Variants in NFAM1 observed in about 807,000 individuals in gnomAD.
The protein encoded by NFAM1 is NFAT activation molecule 1.
Under a neutral mutation model 29.0 loss-of-function variants are expected in NFAM1, and 17 were observed. The observed-to-expected ratio is 0.59, with a 90% CI of 0.40 to 0.88. The LOEUF (loss-of-function observed/expected upper bound fraction) is 0.88. Among genes scored for constraint, NFAM1 ranks in the 40% least tolerant of loss-of-function variants. The pLI is 0.00. For synonymous variants in NFAM1, 175 were observed against 147.2 expected (o/e 1.19, Z -1.36); for missense variants, 324 against 344.6 (o/e 0.94, Z 0.47).
chr22:42,425,750 T>C lies in NFAM1; in HGVS notation c.121+6487A>G, dbSNP rs564445584. Among the ~76,000 whole-genome samples the C allele has an allele frequency of 5.3e-4, 81 of 152,324 alleles. 2 individuals are homozygous for C. Among genetic ancestry groups the C allele is most frequent in the African/African-American group, 1.9e-3 (79 of 41,574 alleles). On this transcript the variant is annotated intron_variant, in intron 1 of 5. Coordinates refer to ENST00000329021, the MANE Select transcript of NFAM1 (RefSeq NM_145912.8). ...CCAGCCTTCCTGAGCCCGCGTACTC[T>C]CTCTGCACTGTCCCTGGCTTTTCTC...
chr22:42,410,233 G>A (rs2147107586), intron 2 of NFAM1: 1 of 210,188 alleles, frequency 4.8e-6, no homozygotes, highest in Middle Eastern at 1.9e-3. Flanking sequence ...CAGCAGGACA[G>A]AGGTTCAAAC....
chr22:42,395,038 G>T (rs1427946936), intron 4 of NFAM1, among the ~76,000 whole-genome samples: 2 of 152,126 alleles, frequency 1.3e-5, no homozygotes, highest in Admixed American at 6.6e-5. Context: ...GCCAAGTGCA[G>T]TGTCTCACAC....
chr22:42,414,150 G>A (rs1046611233), intron 1 of NFAM1, among the ~76,000 whole-genome samples: 2 of 152,154 alleles, frequency 1.3e-5, no homozygotes, highest in African/African-American at 2.4e-5. Context: ...CTCACATGTC[G>A]GCAGTCACAG....
chr22:42,425,919 A>AG (rs1930606991), intron 1 of NFAM1, among the ~76,000 whole-genome samples: 1 of 145,188 alleles, frequency 6.9e-6, no homozygotes. Context: ...GGGGAGAGGG[A>AG]GGGGAACTGG....
rs1928909405 is a variant in NFAM1, at chr22:42,380,572, GA to G, written c.*4588del. The G allele has an allele frequency of 6.6e-6, 1 of 152,634 alleles. No individual in the cohort carries two copies. Among genetic ancestry groups the G allele is most frequent in the African/African-American group, 2.4e-5 (1 of 41,440 alleles). 9.5% of individuals were successfully genotyped at this position (152,634 alleles called of 1,614,324 possible). ...GCCATCATTCTGACCACAGGTCAGG[GA>G]AGGGAGACTGGGGAAGCCCCCTCAG... On this transcript the variant is annotated 3_prime_UTR_variant, in exon 6 of 6. Transcript: ENST00000329021.
At position 42,382,392 on chromosome 22, in the gene NFAM1, G is replaced by A. The variant is rs1478861542; in HGVS notation, c.*2769C>T. Reference sequence around the variant, plus strand: ...GACTGTCACTGCAAACTGAGGCTCAGGTGGCCAGTGACTTGCCCAAGTCCA... The same window carrying A: ...GACTGTCACTGCAAACTGAGGCTCAAGTGGCCAGTGACTTGCCCAAGTCCA... On this transcript the variant is annotated 3_prime_UTR_variant, in exon 6 of 6. Coordinates refer to ENST00000329021, the MANE Select transcript of NFAM1 (RefSeq NM_145912.8). 6.6e-6 allele frequency: 1 copy of A among 152,146 alleles called. No homozygotes were observed. The highest frequency in any genetic ancestry group is 1.5e-5 in the Non-Finnish European group (1 of 68,028). 9.4% of individuals were successfully genotyped at this position (152,146 alleles called of 1,614,324 possible). A position where few individuals can be genotyped will look rare whatever the true frequency, so the allele number is the denominator to read the frequency against.
intron 1 of NFAM1, among the ~76,000 whole-genome samples, chr22:42,413,586 G>A (rs1009887315): frequency 6.6e-6 from 1 of 151,834 alleles, no homozygotes; most frequent in African/African-American, 2.4e-5. Flanking sequence ...GACCAGCCTG[G>A]CTAACATGGT....
At position 42,383,258 on chromosome 22, in the gene NFAM1, C is replaced by G. The variant is rs1601728437; in HGVS notation, c.*1903G>C. On this transcript the variant is annotated 3_prime_UTR_variant, in exon 6 of 6. Transcript: ENST00000329021. ...GAGGCAGGCCCAGTGAGGTGGCCCT[C>G]TCCTGGTCTTGCTGGCTTCGGTTTT... The G allele has an allele frequency of 6.5e-6, 1 of 153,226 alleles. No individual in the cohort carries two copies. Among genetic ancestry groups the G allele is most frequent in the South Asian group, 2.1e-4 (1 of 4,856 alleles). The allele number at this position is 153,226 out of a possible 1,614,324, so 9.5% of individuals were successfully genotyped here.
chr22:42,432,314 G>A lies in NFAM1; in HGVS notation c.44C>T (p.Pro15Leu), dbSNP rs1930835653. ...GGCTGCGGGGAGCCCAGGAGGGCGT[G>A]GGAGGCCTGGCAGGGCCCGCCACCT... Reference protein sequence around the residue: ...PVRWRALPGLPRPPGLPAAPW... With the variant: ...PVRWRALPGLLRPPGLPAAPW... Residue 15 changes from proline to leucine, a missense_variant, in exon 1 of 6, where the codon CCA (proline) becomes CTA (leucine). Physicochemically the swap from Pro to Leu is moderately conservative, Grantham distance 98. Coordinates refer to ENST00000329021, the MANE Select transcript of NFAM1 (RefSeq NM_145912.8). 6.3e-7 allele frequency: 1 copy of A among 1,576,828 alleles called. No individual in the cohort carries two copies. The highest frequency in any genetic ancestry group is 1.4e-5 in the African/African-American group (1 of 74,058).
At chr22:42,437,528 G>C in the NFAM1 span, among the ~76,000 whole-genome samples, 478 of 152,274 alleles carry the variant, frequency 3.1e-3, 2 homozygotes, top group Non-Finnish European at 5.9e-3. Context: ...CCCTGAAAGA[G>C]ACGAGCACAG....
At chr22:42,404,442 G>A (rs539320053) in intron 3 of NFAM1, among the ~76,000 whole-genome samples, 100 of 152,176 alleles carry the variant, frequency 6.6e-4, no homozygotes, top group African/African-American at 2.3e-3. Flanking sequence ...CATCCACAGC[G>A]AACCAGGGGC....
Position 42,385,189 on chromosome 22 carries a change from T to G in NFAM1, c.785A>C (p.Glu262Ala), listed in dbSNP as rs1341788338. 14 of 1,613,060 alleles carry G rather than the reference T, an allele frequency of 8.7e-6. No homozygotes were observed. The highest frequency in any genetic ancestry group is 1.6e-4 in the Middle Eastern group (1 of 6,066). The change falls in exon 6 of 6, where the codon GAA becomes GCA. Residue 262 changes from glutamate (E) to alanine (A), a missense_variant. Physicochemically the swap from Glu to Ala is moderately radical, Grantham distance 107. Coordinates refer to ENST00000329021, the MANE Select transcript of NFAM1 (RefSeq NM_145912.8). ...GAGATTTTCATAGACCAGGTTAAGT[T>G]CGCCATCATCTTCGAATCTATGCGG... The part of the protein sequence containing the change: ...ERPHRFEDDG[E>A]LNLVYENL
At chr22:42,406,380 C>T (rs1447394467) in intron 3 of NFAM1, among the ~76,000 whole-genome samples, 1 of 152,184 alleles carries the variant, frequency 6.6e-6, no homozygotes, top group Non-Finnish European at 1.5e-5. Flanking sequence ...GGTCTGATCT[C>T]ACCCCCTTCC....
rs115700842 is a variant in NFAM1, at chr22:42,423,331, C to T, written c.121+8906G>A. ...GGGGCCCATCTCAGCCTGGGAGGGG[C>T]AAGGGGTTCCTGGGAAGGCAACTCT... On this transcript the variant is annotated intron_variant, in intron 1 of 5. Transcript: ENST00000329021. Among the ~76,000 whole-genome samples the T allele has an allele frequency of 4.1e-3, 622 of 151,988 alleles. 3 individuals carry two copies. Among genetic ancestry groups the T allele is most frequent in the African/African-American group, 0.014 (592 of 41,438 alleles).
chr22:42,411,702 G>A lies in NFAM1; in HGVS notation c.156C>T (p.Ile52=). 1 of 1,614,026 alleles carries A rather than the reference G, an allele frequency of 6.2e-7. No homozygotes were observed. Among genetic ancestry groups the A allele is most frequent in the Non-Finnish European group, 8.5e-7 (1 of 1,179,858 alleles). ...GQSVTHTGLP[I]MASLANTAIS... ...TAGCTGTGTTGGCCAGGGAGGCCATGATGGGCAGGCCGGTGTGGGTCACTG... is the reference window on the plus strand; with the variant it reads ...TAGCTGTGTTGGCCAGGGAGGCCATAATGGGCAGGCCGGTGTGGGTCACTG... The change falls in exon 2 of 6, where the codon ATC becomes ATT. Residue 52 remains isoleucine, a synonymous_variant. Coordinates refer to ENST00000329021, the MANE Select transcript of NFAM1 (RefSeq NM_145912.8).
intron 4 of NFAM1, among the ~76,000 whole-genome samples, chr22:42,389,924 C>A (rs1403981435): frequency 1.3e-5 from 2 of 152,130 alleles, no homozygotes; most frequent in Admixed American, 6.6e-5. Context: ...TGGGTGAGAT[C>A]TGGGGGTGTT....
chr22:42,389,186 G>A (rs908955800), intron 4 of NFAM1, among the ~76,000 whole-genome samples: 10 of 152,194 alleles, frequency 6.6e-5, no homozygotes, highest in African/African-American at 1.7e-4. Context: ...CAGCTCAGCC[G>A]GGCTGCCCAG....
At chr22:42,386,915 C>T (rs1411648261) in intron 5 of NFAM1, 74 bp downstream of exon 5, 2 of 788,368 alleles carry the variant, frequency 2.5e-6, no homozygotes, top group South Asian at 1.9e-5. Flanking sequence ...GTCCCATTTG[C>T]CCCCCCACTT....
chr22:42,406,545 C>T (rs927807906), intron 3 of NFAM1, among the ~76,000 whole-genome samples: 8 of 152,184 alleles, frequency 5.3e-5, no homozygotes, highest in African/African-American at 1.9e-4. Context: ...CCCGCTTCTG[C>T]CTCAGAGCAC....
Sources: allele counts gnomAD v4.1 joint callset (sites outside exome capture counted in the v4.1 genomes callset), GRCh38; gene constraint gnomAD v4.1.1; transcripts MANE v1.5; gene names NCBI Gene and HGNC (gene_info 2026-07-23, HGNC 2026-07-21).